Variants in SRGAP2 observed in about 807,000 individuals in gnomAD.
SRGAP2 encodes the protein SLIT-ROBO Rho GTPase-activating protein 2.
A neutral mutation model predicts 57.2 loss-of-function variants in SRGAP2; 15 were observed. The ratio of observed to expected loss-of-function variants is 0.26; its 90% CI spans 0.18 to 0.40. The LOEUF is 0.40. Among genes scored for constraint, SRGAP2 ranks in the 10% least tolerant of loss-of-function variants. The probability of loss-of-function intolerance (pLI) is 1.00; values close to 1 mark genes in which losing one functional copy is unlikely to be tolerated. For synonymous variants in SRGAP2, 249 were observed against 248.0 expected, an observed-to-expected ratio of 1.00 and a Z score of -0.04; for missense variants, 520 against 669.6, an observed-to-expected ratio of 0.78 and a Z score of 2.47.
chr1:206,459,120 T>C (rs1664065791), intron 22 of SRGAP2, among the ~76,000 whole-genome samples, 173 bp downstream of exon 22: 1 of 152,360 alleles, frequency 6.6e-6, no homozygotes. Context: ...ATAAGTGGTC[T>C]GCCTGTCCCT....
intron 4 of SRGAP2, among the ~76,000 whole-genome samples, chr1:206,358,235 G>A (rs1179268073): frequency 6.7e-6 from 1 of 150,026 alleles, no homozygotes; most frequent in Non-Finnish European, 1.5e-5. Flanking sequence ...TACCCTCACT[G>A]TTCCTTCTCA....
chr1:206,256,656 A>G (rs2102606775), intron 2 of SRGAP2, among the ~76,000 whole-genome samples: 1 of 149,338 alleles, frequency 6.7e-6, no homozygotes, highest in South Asian at 2.2e-4. Flanking sequence ...AGGAAACAGC[A>G]TGATAGATTT....
chr1:206,461,446 C>A lies in SRGAP2; in HGVS notation c.*26C>A. ...GGGATAATAATTTAATTGTTCTAGA[C>A]AAGGGGACTATAGGGACTGACTGTT... is the stretch of plus-strand genomic sequence containing the variant. On this transcript the variant is annotated 3_prime_UTR_variant, in exon 23 of 23. Transcript: ENST00000573034. The A allele has an allele frequency of 1.4e-6, 1 of 727,140 alleles. No homozygotes were observed. 45.0% of individuals were successfully genotyped at this position (727,140 alleles called of 1,614,324 possible). A position where few individuals can be genotyped will look rare whatever the true frequency, so the allele number is the denominator to read the frequency against.
intron 3 of SRGAP2, among the ~76,000 whole-genome samples, chr1:206,327,330 A>G (rs1403070356): frequency 3.0e-4 from 45 of 150,484 alleles, no homozygotes; most frequent in Admixed American, 3.0e-3. Context: ...TCCGTCTCAA[A>G]AAAAAAAAAA....
chr1:206,334,452 AT>A (rs1202789351), intron 3 of SRGAP2, among the ~76,000 whole-genome samples: 6 of 151,706 alleles, frequency 4.0e-5, no homozygotes, highest in South Asian at 2.1e-4. Flanking sequence ...CAAGAATTTT[AT>A]TTTTTTCCCC....
chr1:206,461,056 A>T lies in SRGAP2; in HGVS notation c.2852A>T (p.Asn951Ile). 1 of 712,918 alleles carries T rather than the reference A, an allele frequency of 1.4e-6. No individual in the cohort carries two copies. The highest frequency in any genetic ancestry group is 2.6e-6 in the Non-Finnish European group (1 of 381,412). 44.2% of individuals were successfully genotyped at this position (712,918 alleles called of 1,614,324 possible). A position where few individuals can be genotyped will look rare whatever the true frequency, so the allele number is the denominator to read the frequency against. Residue 951 changes from asparagine to isoleucine, a missense_variant, in exon 23 of 23, where the codon AAC becomes ATC. This residue lies in a region of SRGAP2 where 478 missense variants were observed against 373.6 expected (regional missense o/e 1.28). Transcript: ENST00000573034. The stretch of plus-strand genomic sequence containing the variant: ...TTGCAGGATATTGAGGCAACAATGA[A>T]CTCGGCCCTGAATGAGCTACGGGAA... ...VIAQDIEATMNSALNELRELE... is the reference protein window; with the variant it reads ...VIAQDIEATMISALNELRELE...
chr1:206,204,965 A>C, intron 1 of SRGAP2: 1 of 149,998 alleles, frequency 6.7e-6, no homozygotes, highest in East Asian at 2.0e-4. Flanking sequence ...AAACAAAACA[A>C]CTGGGAGGAG....
chr1:206,437,926 C>G (rs782394581), intron 15 of SRGAP2, 38 bp from the exon 16 acceptor site: 1 of 778,932 alleles, frequency 1.3e-6, no homozygotes, highest in African/African-American at 1.7e-5. Flanking sequence ...TTGCCTCTCT[C>G]ACTCTCTTTC....
intron 3 of SRGAP2, among the ~76,000 whole-genome samples, chr1:206,306,740 A>G (rs1321880958): frequency 2.6e-5 from 4 of 152,204 alleles, no homozygotes; most frequent in African/African-American, 7.2e-5. Context: ...CAGAGTTTTG[A>G]CACACAGGTT....
intron 14 of SRGAP2, among the ~76,000 whole-genome samples, chr1:206,432,781 TC>T (rs1276958192): frequency 6.6e-6 from 1 of 152,194 alleles, no homozygotes. Context: ...CTAGGGAACA[TC>T]AGAGCTTAGC....
intron 2 of SRGAP2, among the ~76,000 whole-genome samples, chr1:206,284,918 C>T (rs1218584585): frequency 2.6e-5 from 4 of 152,208 alleles, no homozygotes; most frequent in East Asian, 1.9e-4. Flanking sequence ...CACCCCTAAT[C>T]GTTGTGCATA....
At chr1:206,204,784 T>TC (rs1367971246) in intron 1 of SRGAP2, 3 of 117,542 alleles carry the variant, frequency 2.6e-5, no homozygotes, top group African/African-American at 1.2e-4. Context: ...ACGGCTGCCT[T>TC]CCGCTCGCCG....
At chr1:206,307,916 GT>G (rs1672356726) in intron 3 of SRGAP2, among the ~76,000 whole-genome samples, 1 of 152,204 alleles carries the variant, frequency 6.6e-6, no homozygotes, top group South Asian at 2.1e-4. Flanking sequence ...GCAGGGGGGG[GT>G]GCTGAAGGGC....
rs371470007 is a variant in SRGAP2 at position 206,453,342 on chromosome 1, C to T, written c.2322C>T (p.Asp774=). The stretch of plus-strand genomic sequence containing the variant: ...GGGAAGGCCGGCACAATGGCATCGA[C>T]GGACTCATCCCCCATCAGTACATCG... ...DWWEGRHNGI[D]GLIPHQYIVV... Residue 774 remains aspartate, a synonymous_variant, in exon 20 of 23, where the codon GAC becomes GAT. Coordinates refer to ENST00000573034, the MANE Select transcript of SRGAP2 (RefSeq NM_015326.5). The T allele has an allele frequency of 2.4e-5, 18 of 742,104 alleles. No homozygotes were observed. Among genetic ancestry groups the T allele is most frequent in the South Asian group, 7.1e-5 (5 of 70,196 alleles). The allele number at this position is 742,104 out of a possible 1,614,324, so 46.0% of individuals were successfully genotyped here.
intron 14 of SRGAP2, among the ~76,000 whole-genome samples, chr1:206,433,351 TAAAC>T (rs1558427987): frequency 2.0e-5 from 3 of 152,056 alleles, no homozygotes; most frequent in African/African-American, 7.2e-5. Flanking sequence ...AAAAGATAAA[TAAAC>T]AAGCCAAGCA....
chr1:206,439,856 TGTGC>T, intron 16 of SRGAP2, 116 bp from the exon 17 acceptor site: 1 of 660,552 alleles, frequency 1.5e-6, no homozygotes, highest in Non-Finnish European at 2.8e-6. Flanking sequence ...GCACCAGTGC[TGTGC>T]GTGGGCTTGA....
chr1:206,314,165 G>A (rs1411942132), intron 3 of SRGAP2, among the ~76,000 whole-genome samples: 2 of 146,326 alleles, frequency 1.4e-5, no homozygotes, highest in Admixed American at 6.9e-5. Flanking sequence ...ATGGAGTTTC[G>A]CTCTTGTTGC....
intron 2 of SRGAP2, among the ~76,000 whole-genome samples, chr1:206,302,150 G>T (rs1489694537): frequency 4.0e-5 from 6 of 150,146 alleles, no homozygotes; most frequent in Non-Finnish European, 8.9e-5. Flanking sequence ...ACATCCTAAT[G>T]CATTTGGAGC....
At chr1:206,384,920 A>AG (rs1247652326) in intron 5 of SRGAP2, among the ~76,000 whole-genome samples, 1 of 146,710 alleles carries the variant, frequency 6.8e-6, no homozygotes, top group East Asian at 2.0e-4. Flanking sequence ...GTCATTCTCC[A>AG]GGGTTTCTCC....
Sources: gnomAD v4.1 joint callset for allele counts (sites outside exome capture counted in the v4.1 genomes callset) on GRCh38, gnomAD v4.1.1 for gene constraint, gnomAD v4.1.1 regional missense constraint, MANE v1.5 for transcripts, NCBI Gene and HGNC (gene_info 2026-07-23, HGNC 2026-07-21) for gene names.